Variants in TNRC6C observed in about 807,000 individuals in gnomAD.
TNRC6C encodes the protein trinucleotide repeat containing adaptor 6C.
A neutral mutation model predicts 153.7 loss-of-function variants in TNRC6C; 20 were observed. The observed-to-expected ratio is 0.13, with a 90% CI of 0.09 to 0.19. The LOEUF (loss-of-function observed/expected upper bound fraction) is 0.19, where lower values mean the gene tolerates loss of function less well. Among genes scored for constraint, TNRC6C ranks in the 10% least tolerant of loss-of-function variants. The pLI is 1.00. For missense variants in TNRC6C, 1,987 were observed against 2,172.0 expected, an observed-to-expected ratio of 0.91 and a Z score of 1.69; for synonymous variants, 811 against 841.4, an observed-to-expected ratio of 0.96 and a Z score of 0.63.
intron 1 of TNRC6C, among the ~76,000 whole-genome samples, chr17:78,024,275 G>A (rs2071891614): frequency 6.6e-6 from 1 of 152,194 alleles, no homozygotes; most frequent in African/African-American, 2.4e-5. Context: ...TTGTGAAAGA[G>A]ACAGCAAGTT....
chr17:78,050,430 A>G, exon 3 of TNRC6C: 1 of 1,614,052 alleles, frequency 6.2e-7, no homozygotes, highest in African/African-American at 1.3e-5. Flanking sequence ...CTGTAAAGCA[A>G]AACACTGCCT....
chr17:78,045,576 C>A (rs1308881574), intron 2 of TNRC6C, among the ~76,000 whole-genome samples: 1 of 152,224 alleles, frequency 6.6e-6, no homozygotes, highest in Admixed American at 6.5e-5. Context: ...TGATTGGTGA[C>A]TTCAGCTAGA....
At chr17:78,051,557 A>C in intron 3 of TNRC6C, 109 bp downstream of exon 5, 1 of 1,180,328 alleles carries the variant, frequency 8.5e-7, no homozygotes, top group Admixed American at 3.4e-5. Flanking sequence ...AGCAAATAGC[A>C]TTAAAATAAT....
chr17:78,029,834 CACAT>C (rs1031020501), intron 1 of TNRC6C, among the ~76,000 whole-genome samples: 2 of 150,508 alleles, frequency 1.3e-5, no homozygotes, highest in African/African-American at 2.5e-5. Context: ...CACACACACA[CACAT>C]AAGCCAAGGC....
Position 78,100,770 on chromosome 17 carries a change from CTTTTT to C in TNRC6C, c.4502-1686_4502-1682del, listed in dbSNP as rs56816459. On this transcript the variant is annotated intron_variant, in intron 17 of 19. Coordinates refer to ENST00000301624, the Ensembl canonical transcript of TNRC6C. ...ATTTTTCCTCAGAAAATGGGATTTCCTTTTTTTTTTTTTTTTTTTTTTGAGATGGA... is the reference window on the plus strand; with the variant it reads ...ATTTTTCCTCAGAAAATGGGATTTCCTTTTTTTTTTTTTTTTTGAGATGGA... 1.0e-3 allele frequency among the ~76,000 whole-genome samples: 106 copies of C among 104,030 alleles called. 1 individual carries two copies. The highest frequency in any genetic ancestry group is 4.2e-3 in the South Asian group (13 of 3,072). The allele number at this position is 104,030 out of a possible 152,430, so 68.2% of individuals were successfully genotyped here.
chr17:78,031,875 A>T (rs1321394818), intron 2 of TNRC6C, 33 bp downstream of exon 4: 3 of 1,231,946 alleles, frequency 2.4e-6, no homozygotes, highest in Non-Finnish European at 3.0e-6. Context: ...CATTGTTTTG[A>T]TCTGAAAACT....
chr17:77,980,342 G>T (rs1396223048), intron 1 of TNRC6C, among the ~76,000 whole-genome samples: 1 of 152,080 alleles, frequency 6.6e-6, no homozygotes, highest in Admixed American at 6.5e-5. Flanking sequence ...GTTCTGATGG[G>T]GGAAAAACAC....
In TNRC6C at chr17:78,104,267, C is replaced by T. The variant is rs1042785220; in HGVS notation, c.4713-218C>T. Among the ~76,000 whole-genome samples the T allele has an allele frequency of 2.0e-5, 3 of 152,186 alleles. No individual in the cohort carries two copies. Among genetic ancestry groups the T allele is most frequent in the Admixed American group, 6.5e-5 (1 of 15,282 alleles). On this transcript the variant is annotated intron_variant, in intron 19 of 19. Coordinates refer to ENST00000301624, the Ensembl canonical transcript of TNRC6C. The surrounding 1 kb of genome is among the most constrained non-coding windows in gnomAD (Gnocchi z 6.2). ...GAGCCCACATTTAATGATCTGTTCA[C>T]GCACTTGAAGATGTACTCTGTGTAC...
intron 13 of TNRC6C, among the ~76,000 whole-genome samples, chr17:78,089,594 C>T (rs2073359299): frequency 1.3e-5 from 2 of 152,046 alleles, no homozygotes; most frequent in South Asian, 4.1e-4. Flanking sequence ...TTCAGCCTGT[C>T]GTTGTTATTC....
At chr17:77,982,401 TTAACTC>T (rs1177947101) in intron 1 of TNRC6C, among the ~76,000 whole-genome samples, 2 of 152,086 alleles carry the variant, frequency 1.3e-5, no homozygotes, top group African/African-American at 4.8e-5. Context: ...CTTGAGTTGA[TTAACTC>T]TAGAGTAATC....
At chr17:77,966,128 C>T (rs1187329830) in intron 1 of TNRC6C, among the ~76,000 whole-genome samples, 5 of 152,102 alleles carry the variant, frequency 3.3e-5, no homozygotes, top group Non-Finnish European at 5.9e-5. Flanking sequence ...TTTTGTAAAG[C>T]GCGTAACATA....
At chr17:78,102,836 A>G (rs560816377) in intron 18 of TNRC6C, 399 of 388,706 alleles carry the variant, frequency 1.0e-3, no homozygotes, top group African/African-American at 7.5e-3. Context: ...ACAACTAGCC[A>G]TTCAAGAGTG....
At chr17:78,102,173 G>C (rs538016611) in intron 17 of TNRC6C, among the ~76,000 whole-genome samples, 19 of 152,318 alleles carry the variant, frequency 1.2e-4, no homozygotes, top group African/African-American at 4.6e-4. Flanking sequence ...CTTCCCTGGA[G>C]ATTCTCGGGC....
intron 2 of TNRC6C, among the ~76,000 whole-genome samples, chr17:78,040,672 T>C (rs1484683325): frequency 2.6e-5 from 4 of 152,270 alleles, no homozygotes; most frequent in African/African-American, 9.6e-5. Context: ...TTCTTTTGGC[T>C]GACTTTCAAA....
At chr17:78,016,094 A>C (rs767938572) in intron 1 of TNRC6C, among the ~76,000 whole-genome samples, 3 of 152,188 alleles carry the variant, frequency 2.0e-5, no homozygotes, top group Non-Finnish European at 4.4e-5. Context: ...GGGCCTTCAG[A>C]AATGACTCCC....
rs1375598089 is a variant in TNRC6C at position 78,086,837 on chromosome 17, T to C, written c.3562-16T>C. The C allele has an allele frequency of 1.7e-5, 28 of 1,609,806 alleles. No individual in the cohort carries two copies. The highest frequency in any genetic ancestry group is 2.4e-5 in the Non-Finnish European group (28 of 1,178,678). On this transcript the variant is annotated splice_polypyrimidine_tract_variant and intron_variant, in intron 12 of 19. Coordinates refer to ENST00000301624, the Ensembl canonical transcript of TNRC6C. ...CCTTCCCACCTAGTTAACGCACCTATGTCTCTGCCTGCCAGGTTGCGCGCA... is the reference window on the plus strand; with the variant it reads ...CCTTCCCACCTAGTTAACGCACCTACGTCTCTGCCTGCCAGGTTGCGCGCA...
At chr17:78,093,189 G>A (rs1200821650) in intron 15 of TNRC6C, 65 bp downstream of exon 17, 9 of 1,526,850 alleles carry the variant, frequency 5.9e-6, no homozygotes, top group Non-Finnish European at 8.0e-6. Flanking sequence ...CCTGCAGAGA[G>A]TGATTAGGCT....
intron 1 of TNRC6C, among the ~76,000 whole-genome samples, chr17:78,013,287 A>G (rs753480805): frequency 6.6e-6 from 1 of 152,198 alleles, no homozygotes; most frequent in Admixed American, 6.5e-5. Flanking sequence ...CTTTAGAAAG[A>G]TCACTGAACC....
chr17:78,089,487 A>G (rs531208721), intron 13 of TNRC6C, among the ~76,000 whole-genome samples: 6 of 152,298 alleles, frequency 3.9e-5, no homozygotes, highest in African/African-American at 7.2e-5. Flanking sequence ...AGCAGCACCT[A>G]TGTTGAAGAG....
Sources: allele counts gnomAD v4.1 joint callset (sites outside exome capture counted in the v4.1 genomes callset), GRCh38; gene constraint gnomAD v4.1.1; non-coding constraint Gnocchi (gnomAD v3.1); transcripts MANE v1.5; gene names NCBI Gene and HGNC (gene_info 2026-07-23, HGNC 2026-07-21).